The following MIDEAS variants were observed in gnomAD, a reference collection of about 807,000 sequenced individuals.
The protein encoded by MIDEAS is mitotic deacetylase-associated SANT domain protein.
Under a neutral mutation model 102.7 loss-of-function variants are expected in MIDEAS, and 26 were observed. The ratio of observed to expected loss-of-function variants is 0.25; its 90% CI spans 0.19 to 0.35. MIDEAS has a LOEUF of 0.35. Among genes scored for constraint, MIDEAS ranks in the 10% least tolerant of loss-of-function variants. MIDEAS has a pLI of 1.00. For synonymous variants in MIDEAS, 585 were observed against 591.0 expected (o/e 0.99, Z 0.15); for missense variants, 1,231 against 1,435.6 (o/e 0.86, Z 2.30).
intron 3 of MIDEAS, among the ~76,000 whole-genome samples, chr14:73,735,694 C>T (rs2053191303): frequency 6.6e-6 from 1 of 152,180 alleles, no homozygotes; most frequent in African/African-American, 2.4e-5. Flanking sequence ...AGATATCAGA[C>T]AAACCTGACT....
intron 1 of MIDEAS, among the ~76,000 whole-genome samples, chr14:73,744,491 T>C (rs984759062): frequency 6.6e-6 from 1 of 152,142 alleles, no homozygotes; most frequent in Non-Finnish European, 1.5e-5. Context: ...AGGCTAATGC[T>C]CCAAGCTCCC....
chr14:73,752,833 A>T (rs2053437158), intron 1 of MIDEAS, among the ~76,000 whole-genome samples: 1 of 152,132 alleles, frequency 6.6e-6, no homozygotes, highest in African/African-American at 2.4e-5. Context: ...CCTGAAATAC[A>T]CCCAGAGGCC....
intron 1 of MIDEAS, among the ~76,000 whole-genome samples, chr14:73,746,794 T>C (rs553933756): frequency 5.9e-5 from 9 of 152,268 alleles, no homozygotes; most frequent in African/African-American, 1.9e-4. Context: ...ACACCCTCCC[T>C]GCTGCAGCTC....
intron 10 of MIDEAS, 84 bp from the exon 11 acceptor site, chr14:73,721,593 A>C (rs1595251007): frequency 7.8e-7 from 1 of 1,277,328 alleles, no homozygotes; most frequent in African/African-American, 1.5e-5. Flanking sequence ...CGGGGGGTTC[A>C]CCAGCCCCAG....
At chr14:73,786,547 G>A (rs577318013) in intron 1 of MIDEAS, among the ~76,000 whole-genome samples, 19 of 152,294 alleles carry the variant, frequency 1.2e-4, no homozygotes, top group East Asian at 1.9e-4. Context: ...CATTTCAAGG[G>A]GGCTTGGGGA....
At chr14:73,730,101 C>A in intron 3 of MIDEAS, 116 bp from the exon 4 acceptor site, 1 of 1,044,250 alleles carries the variant, frequency 9.6e-7, no homozygotes, top group Non-Finnish European at 1.5e-6. Context: ...CCACACCCAC[C>A]AAGGCAAGCC....
chr14:73,733,841 C>A (rs1308498436), intron 3 of MIDEAS, among the ~76,000 whole-genome samples: 1 of 151,894 alleles, frequency 6.6e-6, no homozygotes, highest in East Asian at 2.0e-4. Flanking sequence ...ATTACAGGCA[C>A]ACACCATCAT....
chr14:73,783,816 G>C (rs1007435539), intron 1 of MIDEAS, among the ~76,000 whole-genome samples: 3 of 152,222 alleles, frequency 2.0e-5, no homozygotes, highest in African/African-American at 7.2e-5. Context: ...ACTGCCAGCC[G>C]TGGTGTCTGG....
At position 73,719,028 on chromosome 14, in the gene MIDEAS, G is replaced by C. The variant is rs1330899666; in HGVS notation, c.3135-20C>G. On this transcript the variant is annotated intron_variant, in intron 12 of 12. Coordinates refer to ENST00000423556, the MANE Select transcript of MIDEAS (RefSeq NM_001367710.1). The stretch of plus-strand genomic sequence containing the variant: ...AACACCCTGCAGCCGGGTGGGGGTT[G>C]CTCAGAACCGGCCTAGCCCACCCGG... The C allele has an allele frequency of 6.8e-7, 1 of 1,462,760 alleles. No individual in the cohort carries two copies. The highest frequency in any genetic ancestry group is 1.4e-5 in the African/African-American group (1 of 70,306). The allele number at this position is 1,462,760 out of a possible 1,614,324, so 90.6% of individuals were successfully genotyped here. A position where few individuals can be genotyped will look rare whatever the true frequency, so the allele number is the denominator to read the frequency against.
chr14:73,777,202 G>C (rs1158460889), intron 1 of MIDEAS, among the ~76,000 whole-genome samples: 1 of 151,946 alleles, frequency 6.6e-6, no homozygotes, highest in African/African-American at 2.4e-5. Context: ...GGAGAGTTCA[G>C]TACCCATTCT....
At chr14:73,778,131 G>A (rs541837682) in intron 1 of MIDEAS, among the ~76,000 whole-genome samples, 1 of 152,012 alleles carries the variant, frequency 6.6e-6, no homozygotes, top group South Asian at 2.1e-4. Flanking sequence ...GAGGCAGGTG[G>A]ATCACCTGAG....
intron 1 of MIDEAS, among the ~76,000 whole-genome samples, chr14:73,745,246 C>G (rs1256099324): frequency 6.6e-6 from 1 of 152,210 alleles, no homozygotes; most frequent in African/African-American, 2.4e-5. Context: ...ATGTGGAACA[C>G]AAGTCCTTCT....
chr14:73,739,547 T>C lies in MIDEAS; in HGVS notation c.462A>G (p.Gly154=). The change falls in exon 2 of 13, where the codon GGA becomes GGG. Residue 154 remains glycine (G), a synonymous_variant. Coordinates refer to ENST00000423556, the MANE Select transcript of MIDEAS (RefSeq NM_001367710.1). The part of the protein sequence containing the change: ...ATKGSPHPGV[G]VPTYYNHPEA... ...CAGGGTGGTTATAGTAAGTCGGGAC[T>C]CCCACTCCAGGATGCGGGCTCCCCT... 1 of 1,614,150 alleles carries C rather than the reference T, an allele frequency of 6.2e-7. No individual in the cohort carries two copies. The highest frequency in any genetic ancestry group is 1.1e-5 in the South Asian group (1 of 91,088).
At position 73,718,936 on chromosome 14, in the gene MIDEAS, C is replaced by G. The variant is rs1361883898; in HGVS notation, c.3207G>C (p.Ala1069=). ...CGGCCTCTTTCTCCTTCAGCCTCAG[C>G]GCTGCAGCCTTCTTCTCCTGCTCTG... ...SHAEQEKKAA[A]LRLKEKEAAA... Residue 1069 remains alanine, a synonymous_variant, in exon 13 of 13, where the codon GCG becomes GCC. Transcript: ENST00000423556. 6.6e-7 allele frequency: 1 copy of G among 1,526,292 alleles called. No individual in the cohort carries two copies. The highest frequency in any genetic ancestry group is 8.7e-7 in the Non-Finnish European group (1 of 1,143,398). The allele number at this position is 1,526,292 out of a possible 1,614,324, so 94.5% of individuals were successfully genotyped here. A position where few individuals can be genotyped will look rare whatever the true frequency, so the allele number is the denominator to read the frequency against.
intron 1 of MIDEAS, among the ~76,000 whole-genome samples, chr14:73,745,315 C>G (rs1337162806): frequency 6.6e-6 from 1 of 152,254 alleles, no homozygotes; most frequent in African/African-American, 2.4e-5. Flanking sequence ...ACAACACATG[C>G]AGGCCAACTG....
At chr14:73,761,805 T>A (rs1461478241), upstream of MIDEAS, among the ~76,000 whole-genome samples, 1 of 152,178 alleles carries the variant, frequency 6.6e-6, no homozygotes, top group Non-Finnish European at 1.5e-5. Context: ...TCTCAATCTG[T>A]GGATGTACTG....
Position 73,759,403 on chromosome 14 carries a change from CGG to C in MIDEAS, c.-248+358_-248+359del, listed in dbSNP as rs2053528824. Among the ~76,000 whole-genome samples, 2 of 151,856 alleles carry C rather than the reference CGG, an allele frequency of 1.3e-5. No homozygotes were observed. Among genetic ancestry groups the C allele is most frequent in the Non-Finnish European group, 2.9e-5 (2 of 67,918 alleles). ...GGATTCCCGAGCCGCCGCGGGCCGC[CGG>C]GTGGGGAGGGCTTTCCTGGCGGGGC... is the stretch of plus-strand genomic sequence containing the variant. On this transcript the variant is annotated intron_variant, in intron 1 of 12. Transcript: ENST00000423556. The surrounding 1 kb of genome is among the most constrained non-coding windows in gnomAD (Gnocchi z 6.7).
At chr14:73,737,551 AG>A (rs1595266540) in intron 2 of MIDEAS, among the ~76,000 whole-genome samples, 1 of 152,134 alleles carries the variant, frequency 6.6e-6, no homozygotes, top group Non-Finnish European at 1.5e-5. Context: ...GCCTGAGCCC[AG>A]GAAGTTAAGG....
intron 5 of MIDEAS, 90 bp downstream of exon 5, chr14:73,727,368 G>T: frequency 7.2e-7 from 1 of 1,387,020 alleles, no homozygotes; most frequent in Non-Finnish European, 1.0e-6. Context: ...AGGCCCCACG[G>T]AACCCTCCTG....
Sources: allele counts gnomAD v4.1 joint callset (sites outside exome capture counted in the v4.1 genomes callset), GRCh38; gene constraint gnomAD v4.1.1; non-coding constraint Gnocchi (gnomAD v3.1); transcripts MANE v1.5; gene names NCBI Gene and HGNC (gene_info 2026-07-23, HGNC 2026-07-21).